Variants in CDC14A observed in about 807,000 individuals in gnomAD.
CDC14A encodes the protein cell division cycle 14A.
Under a neutral mutation model 74.4 loss-of-function variants are expected in CDC14A, and 53 were observed. That is an observed-to-expected ratio of 0.71 (90% CI 0.57 to 0.89). CDC14A has a LOEUF of 0.89. Among genes scored for constraint, CDC14A ranks in the 40% least tolerant of loss-of-function variants. The probability of loss-of-function intolerance (pLI) is 0.00; values close to 1 mark genes in which losing one functional copy is unlikely to be tolerated. For missense variants in CDC14A, 646 were observed against 713.7 expected (o/e 0.91, Z 1.08); for synonymous variants, 247 against 258.4 (o/e 0.96, Z 0.43).
intron 5 of CDC14A, among the ~76,000 whole-genome samples, chr1:100,429,664 C>A (rs1571168659): frequency 6.7e-6 from 1 of 148,984 alleles, no homozygotes; most frequent in Admixed American, 6.7e-5. Flanking sequence ...AGAACTCCTG[C>A]TCTGTAAGAT....
chr1:100,400,457 C>T (rs1171997952), intron 4 of CDC14A, among the ~76,000 whole-genome samples: 1 of 151,870 alleles, frequency 6.6e-6, no homozygotes, highest in African/African-American at 2.4e-5. Flanking sequence ...TTCTCTGTGG[C>T]TTGTTGGTAA....
intron 8 of CDC14A, among the ~76,000 whole-genome samples, chr1:100,459,365 A>G (rs1667096874): frequency 6.6e-6 from 1 of 152,180 alleles, no homozygotes; most frequent in Non-Finnish European, 1.5e-5. Context: ...GCAGGCACCT[A>G]GTGAGGATTA....
chr1:100,465,585 T>C (rs1437316787), intron 9 of CDC14A, among the ~76,000 whole-genome samples: 1 of 152,198 alleles, frequency 6.6e-6, no homozygotes, highest in Non-Finnish European at 1.5e-5. Flanking sequence ...GAAAGAATCT[T>C]ATCCTATGTC....
intron 2 of CDC14A, among the ~76,000 whole-genome samples, chr1:100,355,685 C>T (rs565773809): frequency 6.6e-6 from 1 of 152,250 alleles, no homozygotes; most frequent in East Asian, 1.9e-4. Flanking sequence ...CCCTACTGTG[C>T]CACAGTAATG....
intron 4 of CDC14A, among the ~76,000 whole-genome samples, chr1:100,396,887 G>C (rs371509357): frequency 1.2e-4 from 19 of 152,218 alleles, no homozygotes; most frequent in African/African-American, 4.1e-4. Context: ...ATATCTAAGT[G>C]GGGGGAGACT....
chr1:100,455,396 T>A lies in CDC14A; in HGVS notation c.520-9T>A. 1 of 1,579,384 alleles carries A rather than the reference T, an allele frequency of 6.3e-7. No homozygotes were observed. Among genetic ancestry groups the A allele is most frequent in the Non-Finnish European group, 8.6e-7 (1 of 1,157,498 alleles). The stretch of plus-strand genomic sequence containing the variant: ...ATTTTTCTTCTCTTTTCTTACAAAA[T>A]TCTGCCAGCGAGTTGAAAATGGTGA... On this transcript the variant is annotated splice_polypyrimidine_tract_variant and intron_variant, in intron 7 of 15. Coordinates refer to ENST00000336454, the MANE Select transcript of CDC14A (RefSeq NM_003672.4).
upstream of CDC14A, among the ~76,000 whole-genome samples, chr1:100,349,188 T>G (rs562831902): frequency 4.6e-5 from 7 of 151,846 alleles, no homozygotes; most frequent in African/African-American, 1.7e-4. Context: ...AGAGCAAGAC[T>G]CCGTCTAGAG....
chr1:100,455,496 G>A lies in CDC14A; in HGVS notation c.607+4G>A. ...CCTAAAAGCAAAATTGAGAATGGTA[G>A]GTTTTTTTTTCCTTTACCATCCAAA... On this transcript the variant is annotated splice_donor_region_variant and intron_variant, in intron 8 of 15. Transcript: ENST00000336454. 2.6e-6 allele frequency: 4 copies of A among 1,544,122 alleles called. No individual in the cohort carries two copies. The highest frequency in any genetic ancestry group is 3.5e-6 in the Non-Finnish European group (4 of 1,138,190).
intron 10 of CDC14A, among the ~76,000 whole-genome samples, chr1:100,475,242 TTC>T (rs1353759329): frequency 3.9e-5 from 6 of 152,222 alleles, no homozygotes; most frequent in Non-Finnish European, 7.4e-5. Flanking sequence ...ATTCTAAACT[TTC>T]TGTTTGGTTT....
chr1:100,403,516 G>A (rs942074182), intron 4 of CDC14A, among the ~76,000 whole-genome samples: 5 of 152,150 alleles, frequency 3.3e-5, no homozygotes, highest in Admixed American at 2.0e-4. Context: ...TAACATGAAT[G>A]GCTTAAGGAA....
At chr1:100,362,685 T>C (rs975590718) in intron 2 of CDC14A, among the ~76,000 whole-genome samples, 1 of 152,226 alleles carries the variant, frequency 6.6e-6, no homozygotes, top group Middle Eastern at 3.2e-3. Flanking sequence ...TTTGTTTTAA[T>C]CAACGAAATA....
At chr1:100,407,123 A>C (rs1660053256) in intron 4 of CDC14A, among the ~76,000 whole-genome samples, 1 of 152,122 alleles carries the variant, frequency 6.6e-6, no homozygotes, top group Non-Finnish European at 1.5e-5. Flanking sequence ...GTTTGAGGTC[A>C]GGTAGCGTGA....
chr1:100,467,767 C>A (rs1322227529), intron 9 of CDC14A, among the ~76,000 whole-genome samples, 189 bp from the exon 10 acceptor site: 2 of 152,182 alleles, frequency 1.3e-5, no homozygotes, highest in African/African-American at 2.4e-5. Flanking sequence ...ATCTATGGCA[C>A]CTTCATTTTG....
chr1:100,400,975 TACTC>T (rs1416985966), intron 4 of CDC14A, among the ~76,000 whole-genome samples: 1 of 152,200 alleles, frequency 6.6e-6, no homozygotes, highest in Admixed American at 6.5e-5. Context: ...CAGGCATACA[TACTC>T]ACTGCATTTA....
At chr1:100,397,030 G>A (rs1401934998) in intron 4 of CDC14A, among the ~76,000 whole-genome samples, 1 of 149,672 alleles carries the variant, frequency 6.7e-6, no homozygotes, top group Non-Finnish European at 1.5e-5. Context: ...AACATTATGA[G>A]ATTTTTTTTT....
chr1:100,518,920 G>A lies in CDC14A; in HGVS notation c.*640G>A, dbSNP rs1224985252. 1.3e-5 allele frequency: 2 copies of A among 152,250 alleles called. No individual in the cohort carries two copies. Among genetic ancestry groups the A allele is most frequent in the Non-Finnish European group, 2.9e-5 (2 of 68,000 alleles). 9.4% of individuals were successfully genotyped at this position (152,250 alleles called of 1,614,324 possible). ...TTATCCAAGTTTATCTCTACCAAGA[G>A]TATAATGGCATGGGATGGCTTATTT... On this transcript the variant is annotated 3_prime_UTR_variant, in exon 16 of 16. Transcript: ENST00000336454.
intron 4 of CDC14A, among the ~76,000 whole-genome samples, chr1:100,394,623 G>A (rs1372449129): frequency 6.6e-6 from 1 of 152,192 alleles, no homozygotes; most frequent in African/African-American, 2.4e-5. Context: ...TAGCATGGTG[G>A]AAGAAGTGCT....
intron 3 of CDC14A, 51 bp from the exon 4 acceptor site, chr1:100,390,681 G>A: frequency 8.4e-7 from 1 of 1,194,708 alleles, no homozygotes; most frequent in Non-Finnish European, 1.2e-6. Context: ...TTCTGTATAT[G>A]TTAACTTTGT....
chr1:100,351,832 A>C, upstream of CDC14A: 1 of 1,526,936 alleles, frequency 6.5e-7, no homozygotes, highest in Non-Finnish European at 8.9e-7. Flanking sequence ...AAACCAATAC[A>C]TGTACTGTGA....
Sources: gnomAD v4.1 joint callset for allele counts (sites outside exome capture counted in the v4.1 genomes callset) on GRCh38, gnomAD v4.1.1 for gene constraint, MANE v1.5 for transcripts, NCBI Gene and HGNC (gene_info 2026-07-23, HGNC 2026-07-21) for gene names.